Variants in ABL1 observed in about 807,000 individuals in gnomAD.
ABL1 encodes the protein ABL proto-oncogene 1, non-receptor tyrosine kinase.
Under a neutral mutation model 94.7 loss-of-function variants are expected in ABL1, and 11 were observed. The observed-to-expected ratio is 0.12, with a 90% confidence interval of 0.07 to 0.19. ABL1 has a LOEUF of 0.19. ABL1 is among the 10% of genes least tolerant of loss of function. The pLI is 1.00. For synonymous variants in ABL1, 656 were observed against 622.4 expected (o/e 1.05, Z -0.80); for missense variants, 1,082 against 1,489.4 (o/e 0.73, Z 4.50).
chr9:130,810,530 C>CCGAA (rs1830194515), intron 1 of ABL1, among the ~76,000 whole-genome samples: 1 of 151,486 alleles, frequency 6.6e-6, no homozygotes. Flanking sequence ...GAAAAATACA[C>CCGAA]TGAAGACTGT....
intron 1 of ABL1, among the ~76,000 whole-genome samples, chr9:130,740,681 G>A (rs78263062): frequency 0.023 from 3,426 of 152,148 alleles, 47 homozygotes; most frequent in African/African-American, 0.032. Context: ...TTTGAGTCAA[G>A]GTCTTGCTCT....
intron 1 of ABL1, among the ~76,000 whole-genome samples, chr9:130,770,492 A>G (rs989555817): frequency 2.6e-5 from 4 of 152,206 alleles, no homozygotes; most frequent in Admixed American, 2.6e-4. Context: ...GGGCCACAGC[A>G]TAAGCACTTG....
At chr9:130,828,788 C>CA (rs938447117) in intron 1 of ABL1, among the ~76,000 whole-genome samples, 3 of 151,430 alleles carry the variant, frequency 2.0e-5, no homozygotes, top group East Asian at 1.9e-4. Context: ...AGAAAGAAAA[C>CA]AAAAAAATAA....
At position 130,884,508 on chromosome 9, in the gene ABL1, T is replaced by C. The variant is rs1588283176; in HGVS notation, c.2218T>C (p.Leu740=). The change falls in exon 11 of 11, where the codon TTG becomes CTG. Residue 740 remains leucine (L), a synonymous_variant. Transcript: ENST00000318560. This position sits in a 1 kb window ranked among gnomAD's most constrained non-coding sequence, Gnocchi z 5.6. Reference sequence around the variant, plus strand: ...GAGGTCAGTCACGCTGCCTCGGGACTTGCAGTCCACGGGAAGACAGTTTGA... The same window carrying C: ...GAGGTCAGTCACGCTGCCTCGGGACCTGCAGTCCACGGGAAGACAGTTTGA... ...EWRSVTLPRD[L]QSTGRQFDSS... The C allele has an allele frequency of 6.2e-7, 1 of 1,613,080 alleles. No homozygotes were observed. Among genetic ancestry groups the C allele is most frequent in the African/African-American group, 1.3e-5 (1 of 74,956 alleles).
intron 1 of ABL1, among the ~76,000 whole-genome samples, chr9:130,780,551 G>A (rs1209004828): frequency 1.3e-5 from 2 of 152,108 alleles, no homozygotes; most frequent in African/African-American, 4.8e-5. Flanking sequence ...ATCTGTACTC[G>A]TACCTGCTAT....
At chr9:130,811,468 T>G (rs987434070) in intron 1 of ABL1, among the ~76,000 whole-genome samples, 3 of 152,222 alleles carry the variant, frequency 2.0e-5, no homozygotes, top group African/African-American at 7.2e-5. Flanking sequence ...AAGTAAAGTT[T>G]ATGACAATAG....
At chr9:130,831,346 C>T (rs572986138), upstream of ABL1, among the ~76,000 whole-genome samples, 27 of 152,246 alleles carry the variant, frequency 1.8e-4, no homozygotes, top group African/African-American at 6.3e-4. Flanking sequence ...AATCCTGCCT[C>T]CTTCCCTTGA....
intron 1 of ABL1, among the ~76,000 whole-genome samples, chr9:130,729,775 G>A (rs1413509712): frequency 2.7e-5 from 4 of 150,680 alleles, no homozygotes; most frequent in South Asian, 2.1e-4. Context: ...TCACTCTGTC[G>A]CCCAGGCTGG....
chr9:130,729,464 G>A (rs577840943), intron 1 of ABL1, among the ~76,000 whole-genome samples: 1 of 152,126 alleles, frequency 6.6e-6, no homozygotes, highest in Admixed American at 6.6e-5. Context: ...TGCTTCCTCA[G>A]TTCACAGAGA....
chr9:130,849,749 C>T (rs545633666), intron 1 of ABL1, among the ~76,000 whole-genome samples: 3 of 152,306 alleles, frequency 2.0e-5, no homozygotes, highest in Admixed American at 6.5e-5. Flanking sequence ...AACTCCTGAC[C>T]TCAAGTGATT....
intron 1 of ABL1, among the ~76,000 whole-genome samples, chr9:130,794,037 C>T (rs948592865): frequency 6.6e-6 from 1 of 152,012 alleles, no homozygotes; most frequent in African/African-American, 2.4e-5. Flanking sequence ...TTCTACATTA[C>T]AGTGGGTTGT....
intron 4 of ABL1, among the ~76,000 whole-genome samples, chr9:130,864,398 C>G (rs948364085): frequency 6.6e-6 from 1 of 152,108 alleles, no homozygotes; most frequent in Non-Finnish European, 1.5e-5. Flanking sequence ...GCACCCGCCA[C>G]CACACCCAGC....
At chr9:130,823,917 A>G (rs1482046325) in intron 1 of ABL1, among the ~76,000 whole-genome samples, 1 of 152,152 alleles carries the variant, frequency 6.6e-6, no homozygotes, top group Non-Finnish European at 1.5e-5. Context: ...TCATCAAAGA[A>G]AGTCTAGTTG....
At chr9:130,843,832 G>T (rs1165422143) in intron 1 of ABL1, among the ~76,000 whole-genome samples, 1 of 152,094 alleles carries the variant, frequency 6.6e-6, no homozygotes, top group Non-Finnish European at 1.5e-5. Context: ...GGAGAGGCTG[G>T]AATGGAAAGC....
chr9:130,830,091 T>C (rs1048405924), intron 1 of ABL1, among the ~76,000 whole-genome samples: 3 of 152,230 alleles, frequency 2.0e-5, no homozygotes, highest in African/African-American at 4.8e-5. Flanking sequence ...AACCATGTTA[T>C]GTATATTACT....
At chr9:130,804,013 A>G (rs1222105576) in intron 1 of ABL1, among the ~76,000 whole-genome samples, 1 of 151,808 alleles carries the variant, frequency 6.6e-6, no homozygotes, top group Non-Finnish European at 1.5e-5. Flanking sequence ...GTGAGCTATG[A>G]TCATGCCACT....
rs551674684 is a variant in ABL1 at position 130,737,251 on chromosome 9, TA to T, written c.136+22805del. ...AAAAAATGTTTTCAGTTTTAAAATT[TA>T]AAAAAAAATTTATTTTATTTATGTA... On this transcript the variant is annotated intron_variant, in intron 1 of 10. Coordinates refer to the ABL1 transcript ENST00000372348. Among the ~76,000 whole-genome samples, 461 of 151,922 alleles carry T rather than the reference TA, an allele frequency of 3.0e-3. 6 individuals carry two copies. Among genetic ancestry groups the T allele is most frequent in the African/African-American group, 0.011 (443 of 41,470 alleles).
At chr9:130,767,284 C>T (rs1004136980) in intron 1 of ABL1, among the ~76,000 whole-genome samples, 7 of 152,200 alleles carry the variant, frequency 4.6e-5, no homozygotes, top group African/African-American at 4.8e-5. Context: ...TTTGCGATCC[C>T]ATTCTTCTAA....
chr9:130,843,665 G>A (rs1218333643), intron 1 of ABL1, among the ~76,000 whole-genome samples: 1 of 152,112 alleles, frequency 6.6e-6, no homozygotes, highest in East Asian at 1.9e-4. Flanking sequence ...GTGATGGGGA[G>A]GAGGAAGGAC....
Sources: allele counts gnomAD v4.1 joint callset (sites outside exome capture counted in the v4.1 genomes callset), GRCh38; gene constraint gnomAD v4.1.1; non-coding constraint Gnocchi (gnomAD v3.1); transcripts MANE v1.5; gene names NCBI Gene and HGNC (gene_info 2026-07-23, HGNC 2026-07-21).